The following MMP17 variants were observed in gnomAD, a reference collection of about 807,000 sequenced individuals.
MMP17 encodes the protein matrix metallopeptidase 17, also known as matrix metalloproteinase-17.
In MMP17, 54 loss-of-function variants were observed where a neutral mutation model predicts 49.1. The observed-to-expected ratio is 1.10, with a 90% confidence interval of 0.88 to 1.38. The LOEUF is 1.38. Among genes scored for constraint, MMP17 ranks in the 40% most tolerant of loss-of-function variants. MMP17 has a pLI of 0.00. For missense variants in MMP17, 837 were observed against 853.7 expected (o/e 0.98, Z 0.24); for synonymous variants, 397 against 383.1 (o/e 1.04, Z -0.42).
Position 131,846,604 on chromosome 12 carries a change from A to G in MMP17, c.1204+1155A>G, listed in dbSNP as rs1887715258. ...TGGCCAGGCTGGTCTCGAACTCCTG[A>G]CTTCAGGTGATCCACCCGCCTTGGT... On this transcript the variant is annotated intron_variant, in intron 8 of 9. Transcript: ENST00000360564. This position sits in a 1 kb window ranked among gnomAD's most constrained non-coding sequence, Gnocchi z 4.6. Among the ~76,000 whole-genome samples, 1 of 151,916 alleles carries G rather than the reference A, an allele frequency of 6.6e-6. No individual in the cohort carries two copies. Among genetic ancestry groups the G allele is most frequent in the African/African-American group, 2.4e-5 (1 of 41,310 alleles).
intron 1 of MMP17, among the ~76,000 whole-genome samples, chr12:131,833,889 C>T (rs576019446): frequency 1.3e-5 from 2 of 152,354 alleles, no homozygotes; most frequent in South Asian, 4.1e-4. Context: ...GGGGACGGGG[C>T]CTGCACTCCA....
In MMP17 at chr12:131,845,408, T is replaced by C; in HGVS notation, c.1163T>C (p.Val388Ala). ...LPLHLDSVDAVYERTSDHKIV... is the reference protein window; with the variant it reads ...LPLHLDSVDAAYERTSDHKIV... ...CTGCACCTGGACAGCGTGGACGCCG[T>C]GTACGAGCGCACCAGCGACCACAAG... The change falls in exon 8 of 10, where the codon GTG (valine) becomes GCG (alanine). Residue 388 changes from valine (V) to alanine (A), a missense_variant. Transcript: ENST00000360564. The C allele has an allele frequency of 6.3e-7, 1 of 1,585,570 alleles. No homozygotes were observed. The highest frequency in any genetic ancestry group is 8.6e-7 in the Non-Finnish European group (1 of 1,167,898).
At chr12:131,838,814 C>T in intron 3 of MMP17, 73 bp downstream of exon 3, 2 of 1,487,588 alleles carry the variant, frequency 1.3e-6, no homozygotes, top group Non-Finnish European at 1.8e-6. Flanking sequence ...GGAACGGGGT[C>T]TCCGTGGAGG....
Position 131,851,418 on chromosome 12 carries a change from T to A in MMP17, c.*144T>A, listed in dbSNP as rs10751704. 2 of 666,630 alleles carry A rather than the reference T, an allele frequency of 3.0e-6. No individual in the cohort carries two copies. The highest frequency in any genetic ancestry group is 2.2e-6 in the Non-Finnish European group (1 of 459,222). The allele number at this position is 666,630 out of a possible 1,614,324, so 41.3% of individuals were successfully genotyped here. Reference sequence around the variant, plus strand: ...GCACCGGAAGGCCAGCAGAGGGCACTGTCCGCCAGGGCTGGGCAGGCTCAG... The same window carrying A: ...GCACCGGAAGGCCAGCAGAGGGCACAGTCCGCCAGGGCTGGGCAGGCTCAG... On this transcript the variant is annotated 3_prime_UTR_variant, in exon 10 of 10. Coordinates refer to ENST00000360564, the MANE Select transcript of MMP17 (RefSeq NM_016155.7).
At chr12:131,837,160 G>A (rs1887124886) in intron 1 of MMP17, among the ~76,000 whole-genome samples, 3 of 152,276 alleles carry the variant, frequency 2.0e-5, no homozygotes, top group South Asian at 2.1e-4. Flanking sequence ...CATTTTCCAC[G>A]TCCTGGCTCA....
chr12:131,842,669 A>C lies in MMP17; in HGVS notation c.883+869A>C, dbSNP rs367791898. 3.3e-5 allele frequency among the ~76,000 whole-genome samples: 5 copies of C among 151,974 alleles called. No individual in the cohort carries two copies. In the East Asian group the frequency reaches 5.9e-4, roughly 18 times the overall value. ...GTGCCTGTAATCCCAGCTACTCAGG[A>C]GGCTGAGGCAGGAGAATCACTTGAA... is the stretch of plus-strand genomic sequence containing the variant. On this transcript the variant is annotated intron_variant, in intron 5 of 9. Coordinates refer to ENST00000360564, the MANE Select transcript of MMP17 (RefSeq NM_016155.7).
intron 6 of MMP17, chr12:131,844,689 G>A (rs1318917405): frequency 4.2e-6 from 1 of 238,234 alleles, no homozygotes; most frequent in Non-Finnish European, 8.3e-6. Flanking sequence ...GTGTCGAGTC[G>A]TCTCTCGGTG....
chr12:131,838,164 T>TG, intron 1 of MMP17, 31 bp from the exon 2 acceptor site: 1 of 1,582,382 alleles, frequency 6.3e-7, no homozygotes, highest in Non-Finnish European at 8.6e-7. Flanking sequence ...GGCCCTCTGT[T>TG]GCACCCCCTC....
intron 1 of MMP17, among the ~76,000 whole-genome samples, chr12:131,833,885 G>C (rs935470935): frequency 6.6e-6 from 1 of 152,226 alleles, no homozygotes; most frequent in African/African-American, 2.4e-5. Flanking sequence ...GCCCGGGGAC[G>C]GGGCCTGCAC....
intron 1 of MMP17, among the ~76,000 whole-genome samples, 167 bp downstream of exon 1, chr12:131,828,820 G>A (rs1886646002): frequency 6.6e-6 from 1 of 151,970 alleles, no homozygotes; most frequent in African/African-American, 2.4e-5. Flanking sequence ...GCAGGGACGC[G>A]GGCTGAGCGA....
At chr12:131,849,212 G>C (rs866452517) in intron 8 of MMP17, among the ~76,000 whole-genome samples, 16 of 152,152 alleles carry the variant, frequency 1.1e-4, no homozygotes, top group African/African-American at 3.9e-4. Flanking sequence ...CGCAGGGCAC[G>C]GTGGCTCACA....
chr12:131,831,256 C>G (rs1339170912), intron 1 of MMP17, among the ~76,000 whole-genome samples: 2 of 152,196 alleles, frequency 1.3e-5, no homozygotes, highest in Non-Finnish European at 2.9e-5. Context: ...TCTAAAGTTT[C>G]TGCTCCATTT....
Position 131,845,037 on chromosome 12 carries a change from GGTCAGGGGCTCTGCCGCAGGAT to G in MMP17, c.969-79_969-58del, listed in dbSNP as rs1484097362. 2.6e-5 allele frequency: 35 copies of G among 1,334,924 alleles called. No homozygotes were observed. The African/African-American group carries it at 4.6e-4, about 18-fold the overall frequency. 82.7% of individuals were successfully genotyped at this position (1,334,924 alleles called of 1,614,324 possible). A position where few individuals can be genotyped will look rare whatever the true frequency, so the allele number is the denominator to read the frequency against. Reference sequence around the variant, plus strand: ...AAGGATGCCTGTCCCATGCCGCTCAGGTCAGGGGCTCTGCCGCAGGATGCCCTGTCCCGCGCTGCCCAGGCCC... The same window carrying G: ...AAGGATGCCTGTCCCATGCCGCTCAGGCCCTGTCCCGCGCTGCCCAGGCCC... On this transcript the variant is annotated intron_variant, in intron 6 of 9. Transcript: ENST00000360564.
chr12:131,846,458 C>A lies in MMP17; in HGVS notation c.1204+1009C>A, dbSNP rs903469912. 1.3e-5 allele frequency among the ~76,000 whole-genome samples: 2 copies of A among 152,150 alleles called. No homozygotes were observed. Among genetic ancestry groups the A allele is most frequent in the African/African-American group, 2.4e-5 (1 of 41,434 alleles). ...ATGGTGTGATCTCAGCTCACTGCAA[C>A]CTTCACCTCCCAGGTTGCAATTCTC... On this transcript the variant is annotated intron_variant, in intron 8 of 9. Coordinates refer to ENST00000360564, the MANE Select transcript of MMP17 (RefSeq NM_016155.7). The surrounding 1 kb of genome is among the most constrained non-coding windows in gnomAD (Gnocchi z 4.6).
Position 131,849,004 on chromosome 12 carries a change from C to A in MMP17, c.1205-798C>A, listed in dbSNP as rs576223300. ...GCCTATGTTCTGTCTCCCGCAGCGG[C>A]TGCACAATTTCATACTCCCTCCCCG... is the stretch of plus-strand genomic sequence containing the variant. On this transcript the variant is annotated intron_variant, in intron 8 of 9. Transcript: ENST00000360564. Among the ~76,000 whole-genome samples the A allele has an allele frequency of 2.0e-5, 3 of 152,306 alleles. No homozygotes were observed. The East Asian group carries it at 5.8e-4, about 29-fold the overall frequency.
intron 9 of MMP17, among the ~76,000 whole-genome samples, chr12:131,850,604 G>C (rs1887923960): frequency 6.6e-6 from 1 of 152,174 alleles, no homozygotes; most frequent in Non-Finnish European, 1.5e-5. Flanking sequence ...AGGGTCTCCT[G>C]GTCCATCCCC....
At chr12:131,850,548 A>T (rs182261253) in intron 9 of MMP17, among the ~76,000 whole-genome samples, 30 of 152,286 alleles carry the variant, frequency 2.0e-4, no homozygotes, top group African/African-American at 7.2e-4. Flanking sequence ...ACAGCCCTGC[A>T]CAGAGTGGGC....
In MMP17 at chr12:131,840,815, C is replaced by G; in HGVS notation, c.665C>G (p.Thr222Ser). Reference protein sequence around the residue: ...FPGHHHTAGDTHFDDDEAWTF... With the variant: ...FPGHHHTAGDSHFDDDEAWTF... ...GGCCACCACCACACCGCCGGGGACA[C>G]CCACTTTGACGATGACGAGGCCTGG... Residue 222 changes from threonine to serine, a missense_variant, in exon 4 of 10, where the codon ACC becomes AGC. Coordinates refer to ENST00000360564, the MANE Select transcript of MMP17 (RefSeq NM_016155.7). 6.2e-7 allele frequency: 1 copy of G among 1,607,106 alleles called. No homozygotes were observed. Among genetic ancestry groups the G allele is most frequent in the Non-Finnish European group, 8.5e-7 (1 of 1,179,546 alleles).
intron 5 of MMP17, 47 bp from the exon 6 acceptor site, chr12:131,843,950 G>A: frequency 7.3e-7 from 1 of 1,378,516 alleles, no homozygotes. Context: ...TGTGGGGGGA[G>A]GCGGGCGTCG....
Sources: gnomAD v4.1 joint callset for allele counts (sites outside exome capture counted in the v4.1 genomes callset) on GRCh38, gnomAD v4.1.1 for gene constraint, Gnocchi (gnomAD v3.1) non-coding constraint, MANE v1.5 for transcripts, NCBI Gene and HGNC (gene_info 2026-07-23, HGNC 2026-07-21) for gene names.